RERE: variants seen among roughly 807,000 people sequenced by gnomAD.
The protein encoded by RERE is arginine-glutamic acid dipeptide repeats protein.
RERE carries 40 observed loss-of-function variants against 146.1 expected under a neutral mutation model. The ratio of observed to expected loss-of-function variants is 0.27; its 90% CI spans 0.21 to 0.36. The LOEUF is 0.36. Among genes scored for constraint, RERE ranks in the 10% least tolerant of loss-of-function variants. RERE has a pLI of 1.00. For synonymous variants in RERE, 1,003 were observed against 866.0 expected (o/e 1.16, Z -2.78); for missense variants, 1,933 against 2,138.7 (o/e 0.90, Z 1.90).
chr1:8,745,636 G>A (rs1020519608), intron 1 of RERE, among the ~76,000 whole-genome samples: 5 of 152,174 alleles, frequency 3.3e-5, no homozygotes, highest in African/African-American at 9.7e-5. Flanking sequence ...ACTGAATGAA[G>A]TCTAAACTCC....
intron 11 of RERE, among the ~76,000 whole-genome samples, chr1:8,431,024 TTC>T (rs1406255216): frequency 6.6e-6 from 1 of 152,200 alleles, no homozygotes; most frequent in East Asian, 1.9e-4. Flanking sequence ...CCTCCAGGCA[TTC>T]CTTTGTCTTC....
intron 1 of RERE, chr1:8,786,233 C>G: frequency 1.1e-6 from 1 of 941,382 alleles, no homozygotes. Context: ...GGATCTGGTC[C>G]TCCCTGTTGC....
chr1:8,619,775 TTTTA>T (rs2124211821), intron 3 of RERE, among the ~76,000 whole-genome samples: 1 of 152,352 alleles, frequency 6.6e-6, no homozygotes, highest in Non-Finnish European at 1.5e-5. Context: ...AAAAATATGA[TTTTA>T]TTGTTTTTCG....
At position 8,356,287 on chromosome 1, in the gene RERE, C is replaced by T. The variant is rs935545148; in HGVS notation, c.4340-41G>A. 2.7e-6 allele frequency: 4 copies of T among 1,481,262 alleles called. No homozygotes were observed. Among genetic ancestry groups the T allele is most frequent in the Non-Finnish European group, 3.6e-6 (4 of 1,126,410 alleles). The allele number at this position is 1,481,262 out of a possible 1,614,324, so 91.8% of individuals were successfully genotyped here. Reference sequence around the variant, plus strand: ...AACGCCAGATGGAGGCGGTGTGCAGCTCTTCAATGTTTGTCCCCCTTGGCT... The same window carrying T: ...AACGCCAGATGGAGGCGGTGTGCAGTTCTTCAATGTTTGTCCCCCTTGGCT... On this transcript the variant is annotated intron_variant, in intron 20 of 22. Coordinates refer to ENST00000400908, the MANE Select transcript of RERE (RefSeq NM_001042681.2). The surrounding 1 kb of genome is among the most constrained non-coding windows in gnomAD (Gnocchi z 5.2).
At chr1:8,611,441 T>C (rs1479914045) in intron 4 of RERE, among the ~76,000 whole-genome samples, 2 of 151,252 alleles carry the variant, frequency 1.3e-5, no homozygotes, top group East Asian at 3.9e-4. Context: ...GAGGTGGAGG[T>C]TGCAGTGAGC....
At chr1:8,366,583 T>C (rs897237106) in intron 12 of RERE, among the ~76,000 whole-genome samples, 1 of 152,090 alleles carries the variant, frequency 6.6e-6, no homozygotes, top group Non-Finnish European at 1.5e-5. Flanking sequence ...CCTGGCTCCA[T>C]CTGAAGGCCC....
At chr1:8,455,919 C>T (rs534318845) in intron 11 of RERE, among the ~76,000 whole-genome samples, 2 of 152,320 alleles carry the variant, frequency 1.3e-5, no homozygotes, top group South Asian at 2.1e-4. Context: ...GCCTCGTGAG[C>T]ACCCTAACCT....
chr1:8,365,071 C>A (rs537875040), intron 13 of RERE, among the ~76,000 whole-genome samples: 1 of 152,332 alleles, frequency 6.6e-6, no homozygotes, highest in Admixed American at 6.5e-5. Flanking sequence ...GTGTGAGGCG[C>A]CATACCCAAG....
At chr1:8,690,549 G>C (rs1243949732) in intron 1 of RERE, among the ~76,000 whole-genome samples, 1 of 152,220 alleles carries the variant, frequency 6.6e-6, no homozygotes, top group Non-Finnish European at 1.5e-5. Flanking sequence ...TGGCTTTAAA[G>C]GGGGCTGAAG....
rs570082118 is a variant in RERE at position 8,473,972 on chromosome 1, T to TAC, written c.1105-7951_1105-7950dup. 2.8e-3 allele frequency among the ~76,000 whole-genome samples: 426 copies of TAC among 152,346 alleles called. 1 individual carries two copies. The highest frequency in any genetic ancestry group is 9.7e-3 in the African/African-American group (402 of 41,568). ...CACTACACATCTGCAATTGTCTTAC[T>TAC]ACAGCCTCTGACCTCCTCCTGATTA... On this transcript the variant is annotated intron_variant, in intron 10 of 22. Coordinates refer to ENST00000400908, the MANE Select transcript of RERE (RefSeq NM_001042681.2).
intron 22 of RERE, 75 bp from the exon 23 acceptor site, chr1:8,355,195 A>AAAGACAACAGCC: frequency 5.4e-6 from 8 of 1,489,122 alleles, no homozygotes; most frequent in Non-Finnish European, 7.5e-6. Context: ...AGGCAACCCC[A>AAAGACAACAGCC]AAGACAACAG....
chr1:8,717,609 G>A (rs979471898), intron 1 of RERE, among the ~76,000 whole-genome samples: 3 of 152,224 alleles, frequency 2.0e-5, no homozygotes, highest in African/African-American at 4.8e-5. Flanking sequence ...TCATTAGGCA[G>A]TAGCAAAATA....
chr1:8,808,443 G>A (rs979096035), intron 1 of RERE, among the ~76,000 whole-genome samples: 38 of 152,082 alleles, frequency 2.5e-4, no homozygotes, highest in African/African-American at 5.6e-4. Flanking sequence ...GACAATAACA[G>A]TAATAATAAA....
intron 7 of RERE, among the ~76,000 whole-genome samples, chr1:8,529,028 G>C (rs1193462927): frequency 6.6e-6 from 1 of 152,072 alleles, no homozygotes; most frequent in Non-Finnish European, 1.5e-5. Context: ...CGAATTTTCA[G>C]ATTAGAGATG....
chr1:8,558,472 A>G lies in RERE; in HGVS notation c.523-949T>C, dbSNP rs114831881. Among the ~76,000 whole-genome samples the G allele has an allele frequency of 7.7e-3, 1,174 of 152,322 alleles. 17 individuals are homozygous for G. Among genetic ancestry groups the G allele is most frequent in the African/African-American group, 0.027 (1,138 of 41,558 alleles). ...GCTTCTCCAAGGTGAATGCAGTATC[A>G]TGCCTTTCAGCAGCCTCTACGTTCT... On this transcript the variant is annotated intron_variant, in intron 4 of 22. Transcript: ENST00000400908.
intron 1 of RERE, among the ~76,000 whole-genome samples, chr1:8,748,686 C>G (rs896382262): frequency 2.0e-5 from 3 of 152,162 alleles, no homozygotes; most frequent in African/African-American, 4.8e-5. Context: ...TCATTAATAT[C>G]GCCAAGTACG....
intron 13 of RERE, among the ~76,000 whole-genome samples, chr1:8,365,212 C>G (rs1304995252): frequency 6.6e-6 from 1 of 152,206 alleles, no homozygotes; most frequent in East Asian, 1.9e-4. Flanking sequence ...CCCAACCCGT[C>G]CTGCTAGGTG....
chr1:8,796,595 G>A (rs1459555344), intron 1 of RERE: 1 of 151,976 alleles, frequency 6.6e-6, no homozygotes, highest in East Asian at 1.9e-4. Flanking sequence ...ATACAGCAGT[G>A]AGAAGAGGGA....
chr1:8,428,830 A>G (rs1328305662), intron 11 of RERE, among the ~76,000 whole-genome samples: 1 of 152,198 alleles, frequency 6.6e-6, no homozygotes. Flanking sequence ...CCACGTCAAA[A>G]TGCATTAAAT....
Sources: allele counts gnomAD v4.1 joint callset (sites outside exome capture counted in the v4.1 genomes callset), GRCh38; gene constraint gnomAD v4.1.1; non-coding constraint Gnocchi (gnomAD v3.1); transcripts MANE v1.5; gene names NCBI Gene and HGNC (gene_info 2026-07-23, HGNC 2026-07-21).